Variants in UBAP2 observed in about 807,000 individuals in gnomAD.
UBAP2 encodes ubiquitin-associated protein 2.
In UBAP2, 75 loss-of-function variants were observed where a neutral mutation model predicts 139.6. The ratio of observed to expected loss-of-function variants is 0.54; its 90% CI spans 0.45 to 0.65. The LOEUF is 0.65. Ranked by LOEUF, UBAP2 falls within the 30% of genes least tolerant of loss-of-function variation. UBAP2 has a pLI of 0.00. For synonymous variants in UBAP2, 526 were observed against 526.2 expected, an observed-to-expected ratio of 1.00 and a Z score of 0.01; for missense variants, 1,368 against 1,369.6, an observed-to-expected ratio of 1.00 and a Z score of 0.02.
chr9:34,020,761 G>A lies in UBAP2; in HGVS notation c.-41-3572C>T, dbSNP rs188935965. 1.9e-3 allele frequency among the ~76,000 whole-genome samples: 282 copies of A among 151,614 alleles called. 7 individuals carry two copies. Among genetic ancestry groups the A allele is most frequent in the Admixed American group, 0.016 (236 of 15,200 alleles). ...CGCAAGCTCTGCTTCCTGGGTTCAC[G>A]CCATTCTCCTGCCTCAGCCTCCTGA... On this transcript the variant is annotated intron_variant, in intron 1 of 28. Transcript: ENST00000379238.
chr9:33,954,265 T>TACACACACACACACAC (rs1491115319), intron 11 of UBAP2, among the ~76,000 whole-genome samples: 2 of 121,124 alleles, frequency 1.7e-5, no homozygotes, highest in East Asian at 2.2e-4. Flanking sequence ...TAAGTGTGTG[T>TACACACACACACACAC]ATATACACAC....
At chr9:34,026,977 G>A (rs1825450814) in intron 1 of UBAP2, among the ~76,000 whole-genome samples, 1 of 152,028 alleles carries the variant, frequency 6.6e-6, no homozygotes, top group South Asian at 2.1e-4. Flanking sequence ...ACAAAGATCT[G>A]GTCTAGATCA....
At chr9:33,931,017 T>C (rs1349175100) in intron 19 of UBAP2, among the ~76,000 whole-genome samples, 1 of 152,132 alleles carries the variant, frequency 6.6e-6, no homozygotes, top group Non-Finnish European at 1.5e-5. Context: ...GCCAAGTAGA[T>C]GAGAGACAGA....
rs149520012 is a variant in UBAP2 at position 34,015,191 on chromosome 9, C to T, written c.99+1859G>A. On this transcript the variant is annotated intron_variant, in intron 2 of 28. Coordinates refer to ENST00000379238, the MANE Select transcript of UBAP2 (RefSeq NM_001370062.2). ...ATGAAAAAGGGTTTGCCAATCTAGT[C>T]AATAACATGTATATAATGCTTAATT... Among the ~76,000 whole-genome samples, 504 of 152,318 alleles carry T rather than the reference C, an allele frequency of 3.3e-3. 2 individuals carry two copies. The highest frequency in any genetic ancestry group is 0.012 in the African/African-American group (482 of 41,576).
intron 10 of UBAP2, among the ~76,000 whole-genome samples, chr9:33,957,995 C>T (rs1486749095): frequency 6.6e-6 from 1 of 152,082 alleles, no homozygotes; most frequent in African/African-American, 2.4e-5. Context: ...GTCTGTCACC[C>T]AGGCAAGAAT....
At chr9:33,944,244 A>G (rs1452876375) in intron 14 of UBAP2, 121 bp downstream of exon 14, 17 of 1,323,108 alleles carry the variant, frequency 1.3e-5, no homozygotes, top group African/African-American at 4.4e-5. Flanking sequence ...TTATTATGCA[A>G]TCAATAAGCT....
intron 8 of UBAP2, 79 bp from the exon 9 acceptor site, chr9:33,963,870 C>G: frequency 1.9e-6 from 2 of 1,058,162 alleles, no homozygotes; most frequent in Non-Finnish European, 2.9e-6. Flanking sequence ...TGGTCACTGT[C>G]AAAGCTATGT....
chr9:33,934,069 G>C (rs1824240230), intron 17 of UBAP2: 1 of 167,984 alleles, frequency 6.0e-6, no homozygotes, highest in Non-Finnish European at 1.3e-5. Context: ...CTTCCGCCAA[G>C]TCAGGCTGAC....
chr9:34,041,995 A>G (rs1466285997), intron 1 of UBAP2, among the ~76,000 whole-genome samples: 1 of 152,154 alleles, frequency 6.6e-6, no homozygotes, highest in African/African-American at 2.4e-5. Context: ...ACTGCACTCC[A>G]GCCTGAGCAA....
At chr9:33,966,484 A>C (rs536670678) in intron 8 of UBAP2, among the ~76,000 whole-genome samples, 2 of 152,148 alleles carry the variant, frequency 1.3e-5, no homozygotes, top group African/African-American at 4.8e-5. Flanking sequence ...AAAAAGAATC[A>C]AGTTGTCAAA....
chr9:33,956,267 GA>G (rs1826557332), intron 10 of UBAP2, 121 bp from the exon 11 acceptor site: 1 of 579,222 alleles, frequency 1.7e-6, no homozygotes, highest in Non-Finnish European at 3.0e-6. Context: ...CTATTCTAAA[GA>G]AAATGAAATA....
chr9:33,929,275 G>T (rs1823754250), intron 19 of UBAP2, among the ~76,000 whole-genome samples: 1 of 152,180 alleles, frequency 6.6e-6, no homozygotes. Context: ...GCTCACTAGG[G>T]AACTAGGTCC....
intron 1 of UBAP2, among the ~76,000 whole-genome samples, chr9:34,047,265 T>C (rs1827687330): frequency 6.6e-6 from 1 of 152,178 alleles, no homozygotes; most frequent in African/African-American, 2.4e-5. Flanking sequence ...AGGAGTATGC[T>C]GGCAGCAAGC....
intron 2 of UBAP2, among the ~76,000 whole-genome samples, chr9:34,014,106 C>T (rs1824022463): frequency 6.6e-6 from 1 of 151,626 alleles, no homozygotes; most frequent in Admixed American, 6.6e-5. Flanking sequence ...GGACAGATCA[C>T]TTGAGGTCAG....
chr9:33,927,825 A>ACTG lies in UBAP2; in HGVS notation c.2340_2342dup (p.Ser782dup), dbSNP rs779514403. On this transcript the variant is annotated inframe_insertion, in exon 20 of 29. Transcript: ENST00000379238. ...AGGTCACCAAGGGCGCGGCCCTGCTACTGCTGCTGGATGCACTCGCGGGGG... is the reference window on the plus strand; with the variant it reads ...AGGTCACCAAGGGCGCGGCCCTGCTACTGCTGCTGCTGGATGCACTCGCGGGGG... 9 of 1,613,644 alleles carry ACTG rather than the reference A, an allele frequency of 5.6e-6. No homozygotes were observed. In the African/African-American group the frequency reaches 1.2e-4, roughly 22 times the overall value.
intron 22 of UBAP2, 54 bp downstream of exon 22, chr9:33,926,563 G>A (rs1420022478): frequency 3.7e-5 from 59 of 1,595,202 alleles, no homozygotes; most frequent in Non-Finnish European, 4.3e-6. Flanking sequence ...ATAAGAGGGG[G>A]GACATGTAAA....
At chr9:34,048,455 G>A (rs1236220644) in intron 1 of UBAP2, among the ~76,000 whole-genome samples, 1 of 152,208 alleles carries the variant, frequency 6.6e-6, no homozygotes, top group East Asian at 1.9e-4. Context: ...GGGACCGACA[G>A]CGTGGCGGGG....
rs375638621 is a variant in UBAP2, at chr9:33,933,646, G to A, written c.1970-18C>T. On this transcript the variant is annotated intron_variant, in intron 17 of 28. Transcript: ENST00000379238. ...CTTTGGAGCTGGAACAGATGAAGTA[G>A]CTGTAAGAAGCAGATCTGTTTATTT... 6.2e-7 allele frequency: 1 copy of A among 1,612,864 alleles called. No individual in the cohort carries two copies. The highest frequency in any genetic ancestry group is 1.1e-5 in the South Asian group (1 of 91,046).
At chr9:34,025,854 ACAGGCCTGAGCTAC>A (rs1368440060) in intron 1 of UBAP2, among the ~76,000 whole-genome samples, 4 of 152,122 alleles carry the variant, frequency 2.6e-5, no homozygotes, top group African/African-American at 9.7e-5. Flanking sequence ...AACTAGGATT[ACAGGCCTGAGCTAC>A]CATGCCCGGT....
Sources: gnomAD v4.1 joint callset for allele counts (sites outside exome capture counted in the v4.1 genomes callset) on GRCh38, gnomAD v4.1.1 for gene constraint, MANE v1.5 for transcripts, NCBI Gene and HGNC (gene_info 2026-07-23, HGNC 2026-07-21) for gene names.